The following EPM2A variants were observed in gnomAD, a reference collection of about 807,000 sequenced individuals.
EPM2A encodes the protein laforin.
Under a neutral mutation model 26.5 loss-of-function variants are expected in EPM2A, and 21 were observed. The observed-to-expected ratio is 0.79, with a 90% confidence interval of 0.56 to 1.14. The LOEUF is 1.14. Ranked by LOEUF, EPM2A falls within the 50% of genes most tolerant of loss-of-function variation. The probability of loss-of-function intolerance (pLI) is 0.00; values close to 1 mark genes in which losing one functional copy is unlikely to be tolerated. For synonymous variants in EPM2A, 217 were observed against 177.6 expected, an observed-to-expected ratio of 1.22 and a Z score of -1.76; for missense variants, 458 against 440.8, an observed-to-expected ratio of 1.04 and a Z score of -0.35.
At chr6:145,403,956 C>G (rs143814308) in intron 4 of EPM2A, among the ~76,000 whole-genome samples, 160 of 152,198 alleles carry the variant, frequency 1.1e-3, no homozygotes, top group African/African-American at 3.7e-3. Flanking sequence ...TATAAAACAT[C>G]TTAACTGGGG....
chr6:145,509,318 A>G (rs1394337755), intron 2 of EPM2A, among the ~76,000 whole-genome samples: 1 of 152,210 alleles, frequency 6.6e-6, no homozygotes, highest in African/African-American at 2.4e-5. Context: ...GCAAAAAAAG[A>G]AAATCTTAAA....
Position 145,577,953 on chromosome 6 carries a change from T to C in EPM2A, c.340+57292A>G, listed in dbSNP as rs568668177. Among the ~76,000 whole-genome samples the C allele has an allele frequency of 1.2e-4, 18 of 152,170 alleles. No individual in the cohort carries two copies. The South Asian group carries it at 1.2e-3, about 11-fold the overall frequency. On this transcript the variant is annotated intron_variant, in intron 2 of 3. Coordinates refer to the EPM2A transcript ENST00000450221. ...TAAACAACATGCTACTGAGTGACCA[T>C]TGGGACAATGAAGAAATGAAGAAGA... is the stretch of plus-strand genomic sequence containing the variant.
exon 5 of EPM2A, chr6:145,383,913 T>C (rs956369386): frequency 2.6e-5 from 4 of 152,196 alleles, no homozygotes; most frequent in African/African-American, 9.6e-5. Context: ...AACATATAGA[T>C]CTGTTAAATC....
chr6:145,472,461 TG>T (rs1291582927), intron 4 of EPM2A, among the ~76,000 whole-genome samples: 2 of 152,022 alleles, frequency 1.3e-5, no homozygotes, highest in African/African-American at 2.4e-5. Context: ...AGCAGGGTCA[TG>T]GGGTCCCTAA....
intron 2 of EPM2A, among the ~76,000 whole-genome samples, chr6:145,615,510 G>T (rs1203780805): frequency 6.6e-6 from 1 of 152,032 alleles, no homozygotes; most frequent in Non-Finnish European, 1.5e-5. Flanking sequence ...TAGTACGGTA[G>T]AGTGGGGTGC....
intron 2 of EPM2A, among the ~76,000 whole-genome samples, chr6:145,541,857 G>T (rs1191617785): frequency 6.6e-6 from 1 of 151,980 alleles, no homozygotes; most frequent in East Asian, 1.9e-4. Flanking sequence ...ACCTTGAAAG[G>T]CACAGAAAAT....
At chr6:145,414,840 G>C (rs1406151221) in intron 4 of EPM2A, among the ~76,000 whole-genome samples, 1 of 152,116 alleles carries the variant, frequency 6.6e-6, no homozygotes, top group Admixed American at 6.6e-5. Context: ...CTACCCACTA[G>C]CTGCTGTCAT....
intron 4 of EPM2A, among the ~76,000 whole-genome samples, chr6:145,484,476 G>A (rs1779649058): frequency 6.6e-6 from 1 of 151,994 alleles, no homozygotes; most frequent in South Asian, 2.1e-4. Context: ...TCCTGTTGAA[G>A]AAATAACATA....
intron 2 of EPM2A, among the ~76,000 whole-genome samples, chr6:145,655,930 G>A (rs1018449229): frequency 2.0e-5 from 3 of 152,150 alleles, no homozygotes; most frequent in Admixed American, 6.5e-5. Flanking sequence ...TTTTGAGGCT[G>A]TATTACTTCT....
intron 1 of EPM2A, among the ~76,000 whole-genome samples, chr6:145,691,411 G>C (rs1041222084): frequency 6.6e-6 from 1 of 152,016 alleles, no homozygotes; most frequent in Non-Finnish European, 1.5e-5. Flanking sequence ...AGGAAAAAAA[G>C]GGAAAATCAA....
intron 4 of EPM2A, among the ~76,000 whole-genome samples, chr6:145,399,254 C>T (rs140619003): frequency 6.6e-6 from 1 of 152,160 alleles, no homozygotes; most frequent in Non-Finnish European, 1.5e-5. Flanking sequence ...AACTTTGGGA[C>T]TATCACTTGC....
intron 4 of EPM2A, among the ~76,000 whole-genome samples, chr6:145,496,472 G>A (rs1779821853): frequency 6.6e-6 from 1 of 152,120 alleles, no homozygotes; most frequent in South Asian, 2.1e-4. Flanking sequence ...CCAATCAGTT[G>A]TAGATTAAGT....
chr6:145,663,451 C>T (rs139548205), intron 2 of EPM2A, among the ~76,000 whole-genome samples: 1,857 of 152,250 alleles, frequency 0.012, 18 homozygotes, highest in Non-Finnish European at 0.018. Flanking sequence ...ACCTGGGAAG[C>T]GCAAGGGGTC....
chr6:145,617,969 A>T (rs867860662), intron 2 of EPM2A, among the ~76,000 whole-genome samples: 1 of 152,248 alleles, frequency 6.6e-6, no homozygotes. Flanking sequence ...ATTAAAAAAC[A>T]TAATAAAATA....
At chr6:145,612,738 A>G (rs1775418991) in intron 2 of EPM2A, among the ~76,000 whole-genome samples, 1 of 148,026 alleles carries the variant, frequency 6.8e-6, no homozygotes, top group Non-Finnish European at 1.5e-5. Flanking sequence ...ATATTATATT[A>G]TATATAGGTA....
At chr6:145,659,059 A>G (rs1778496271) in intron 2 of EPM2A, among the ~76,000 whole-genome samples, 1 of 152,212 alleles carries the variant, frequency 6.6e-6, no homozygotes, top group South Asian at 2.1e-4. Flanking sequence ...ACAAACTAAA[A>G]ATGATTAATA....
At chr6:145,708,670 C>A (rs376329325) in intron 1 of EPM2A, among the ~76,000 whole-genome samples, 1 of 152,176 alleles carries the variant, frequency 6.6e-6, no homozygotes, top group Non-Finnish European at 1.5e-5. Context: ...GCTGCAGGGG[C>A]GGGGTCCTCA....
chr6:145,735,188 C>T lies in EPM2A; in HGVS notation c.301+10G>A, dbSNP rs1193157868. 1 of 1,496,160 alleles carries T rather than the reference C, an allele frequency of 6.7e-7. No individual in the cohort carries two copies. The highest frequency in any genetic ancestry group is 8.9e-7 in the Non-Finnish European group (1 of 1,117,482). The allele number at this position is 1,496,160 out of a possible 1,614,324, so 92.7% of individuals were successfully genotyped here. ...GCTCTGCGCCGGGGGCAGGCGTCTG[C>T]TGGCAATACCTTCCCAGGAGAGCTC... On this transcript the variant is annotated intron_variant, in intron 1 of 3. Transcript: ENST00000367519.
downstream of EPM2A, among the ~76,000 whole-genome samples, chr6:145,621,659 A>G (rs1775637072): frequency 6.8e-6 from 1 of 147,832 alleles, no homozygotes; most frequent in South Asian, 2.1e-4. Flanking sequence ...TTGATATCTC[A>G]TTGTGGTTTT....
Sources: allele counts gnomAD v4.1 joint callset (sites outside exome capture counted in the v4.1 genomes callset), GRCh38; gene constraint gnomAD v4.1.1; transcripts MANE v1.5; gene names NCBI Gene and HGNC (gene_info 2026-07-23, HGNC 2026-07-21).